The following SFXN5 variants were observed in gnomAD, a reference collection of about 807,000 sequenced individuals.
SFXN5 encodes sideroflexin-5.
SFXN5 carries 43 observed loss-of-function variants against 50.2 expected under a neutral mutation model. The observed-to-expected ratio is 0.86, with a 90% CI of 0.67 to 1.11. SFXN5 has a LOEUF of 1.11. Ranked by LOEUF, SFXN5 falls within the 50% of genes least tolerant of loss-of-function variation. The pLI is 0.00. For missense variants in SFXN5, 463 were observed against 454.1 expected (o/e 1.02, Z -0.18); for synonymous variants, 203 against 185.8 (o/e 1.09, Z -0.75).
chr2:72,957,153 T>C (rs1458605215), intron 13 of SFXN5: 1 of 445,450 alleles, frequency 2.2e-6, no homozygotes, highest in African/African-American at 2.0e-5. Flanking sequence ...CCCCATACAC[T>C]GAAGGTTCCG....
intron 2 of SFXN5, chr2:73,041,614 C>T (rs998255004): frequency 1.2e-5 from 5 of 423,344 alleles, no homozygotes; most frequent in South Asian, 8.4e-5. Flanking sequence ...CACCTGAACC[C>T]AGGAGGCAGG....
At chr2:72,965,672 C>T (rs1378079713) in intron 12 of SFXN5, among the ~76,000 whole-genome samples, 1 of 152,192 alleles carries the variant, frequency 6.6e-6, no homozygotes, top group East Asian at 1.9e-4. Context: ...GCCACATCCC[C>T]ATCGCACTCC....
chr2:72,964,489 TGAG>T (rs1252050923), intron 12 of SFXN5, among the ~76,000 whole-genome samples: 2 of 152,212 alleles, frequency 1.3e-5, no homozygotes, highest in African/African-American at 2.4e-5. Context: ...GGTGGGAAAC[TGAG>T]GCTGAGGGAG....
chr2:72,952,712 T>C (rs936738014), intron 13 of SFXN5, among the ~76,000 whole-genome samples: 1 of 152,142 alleles, frequency 6.6e-6, no homozygotes, highest in Non-Finnish European at 1.5e-5. Context: ...TTTCCCCACA[T>C]GTATGATGGG....
At chr2:72,947,469 G>C (rs2105311642) in intron 13 of SFXN5, among the ~76,000 whole-genome samples, 1 of 152,336 alleles carries the variant, frequency 6.6e-6, no homozygotes, top group Non-Finnish European at 1.5e-5. Context: ...CCTGGACAGA[G>C]TCAAGGAGGC....
At chr2:72,965,219 C>T (rs549426424) in intron 12 of SFXN5, among the ~76,000 whole-genome samples, 9 of 152,278 alleles carry the variant, frequency 5.9e-5, no homozygotes, top group Admixed American at 2.6e-4. Flanking sequence ...CATTGACAGA[C>T]GCCGGCAGGC....
At chr2:73,026,719 A>AT (rs1677602597) in intron 3 of SFXN5, among the ~76,000 whole-genome samples, 2 of 151,626 alleles carry the variant, frequency 1.3e-5, no homozygotes, top group African/African-American at 4.8e-5. Context: ...ATTTTATTTT[A>AT]TTTATTTATT....
At chr2:72,995,898 A>G (rs990940891) in intron 9 of SFXN5, among the ~76,000 whole-genome samples, 1 of 152,224 alleles carries the variant, frequency 6.6e-6, no homozygotes, top group Non-Finnish European at 1.5e-5. Context: ...CATCTGCCGG[A>G]GTTAGACGCT....
chr2:73,053,793 C>G (rs764274066), intron 2 of SFXN5, among the ~76,000 whole-genome samples: 6 of 152,170 alleles, frequency 3.9e-5, no homozygotes, highest in Admixed American at 3.3e-4. Context: ...CAAGTCCTCA[C>G]GACCTCTACT....
intron 6 of SFXN5, among the ~76,000 whole-genome samples, chr2:73,005,168 T>C (rs1320669992): frequency 2.0e-5 from 3 of 152,232 alleles, no homozygotes; most frequent in Non-Finnish European, 4.4e-5. Context: ...CCAACAGCTA[T>C]GATTTCTAGC....
rs1671692194 is a variant in SFXN5 at position 72,984,685 on chromosome 2, T to C, written c.625+3573A>G. Among the ~76,000 whole-genome samples, 2 of 152,272 alleles carry C rather than the reference T, an allele frequency of 1.3e-5. 1 individual carries two copies. On this transcript the variant is annotated intron_variant, in intron 10 of 13. Coordinates refer to ENST00000272433, the MANE Select transcript of SFXN5 (RefSeq NM_144579.3). ...TTGCTAGGGAATATGAGGGGAGCCGTGCAGCCCCCAGGAGCTCTGCAAACC... is the reference window on the plus strand; with the variant it reads ...TTGCTAGGGAATATGAGGGGAGCCGCGCAGCCCCCAGGAGCTCTGCAAACC...
chr2:73,027,747 C>T (rs1677763761), intron 3 of SFXN5, among the ~76,000 whole-genome samples: 1 of 152,110 alleles, frequency 6.6e-6, no homozygotes, highest in Non-Finnish European at 1.5e-5. Flanking sequence ...ACAGCCTCCA[C>T]CTCTCCGGCT....
intron 8 of SFXN5, among the ~76,000 whole-genome samples, chr2:72,999,902 G>A (rs929680990): frequency 6.6e-6 from 1 of 152,196 alleles, no homozygotes; most frequent in Non-Finnish European, 1.5e-5. Flanking sequence ...ACAGAAGGGT[G>A]ACTGGGCCTC....
At chr2:72,999,059 C>T (rs1673598473) in intron 8 of SFXN5, 45 bp from the exon 9 acceptor site, 2 of 1,596,254 alleles carry the variant, frequency 1.3e-6, no homozygotes, top group South Asian at 1.1e-5. Flanking sequence ...GTGCCCAAAG[C>T]TCCCATACTT....
In SFXN5 at chr2:73,013,095, T is replaced by C. The variant is rs181942357; in HGVS notation, c.357+7144A>G. Among the ~76,000 whole-genome samples, 98 of 152,210 alleles carry C rather than the reference T, an allele frequency of 6.4e-4. 6 individuals are homozygous for C. In the East Asian group the frequency reaches 0.016, roughly 24 times the overall value. ...AAGCTAACAGCCACAAGAAAACCCATTTGACAGCTGGGATATGCAGTCATA... is the reference window on the plus strand; with the variant it reads ...AAGCTAACAGCCACAAGAAAACCCACTTGACAGCTGGGATATGCAGTCATA... On this transcript the variant is annotated intron_variant, in intron 6 of 13. Transcript: ENST00000272433.
chr2:73,052,875 C>G (rs1681559972), intron 2 of SFXN5, among the ~76,000 whole-genome samples: 1 of 152,236 alleles, frequency 6.6e-6, no homozygotes, highest in Admixed American at 6.5e-5. Flanking sequence ...AGACTCATAG[C>G]CCTTCAAGAT....
intron 6 of SFXN5, among the ~76,000 whole-genome samples, chr2:73,014,640 T>C (rs1225187232): frequency 1.3e-5 from 2 of 152,212 alleles, no homozygotes; most frequent in African/African-American, 4.8e-5. Flanking sequence ...GAAAACAAAA[T>C]GATACAGCTC....
rs892874330 is a variant in SFXN5 at position 73,001,684 on chromosome 2, C to G, written c.358-106G>C. On this transcript the variant is annotated intron_variant, in intron 6 of 13. Transcript: ENST00000272433. ...AATGAGTGAGCTGGATCTGTACAAA[C>G]TGATGTGGTATGCCGTGTACATACA... The G allele has an allele frequency of 8.9e-6, 10 of 1,126,690 alleles. No homozygotes were observed. In the African/African-American group the frequency reaches 1.4e-4, roughly 15 times the overall value. 69.8% of individuals were successfully genotyped at this position (1,126,690 alleles called of 1,614,324 possible). A position where few individuals can be genotyped will look rare whatever the true frequency, so the allele number is the denominator to read the frequency against.
In SFXN5 at chr2:72,961,038, G is replaced by A; in HGVS notation, c.945+93C>T. On this transcript the variant is annotated intron_variant, in intron 13 of 13. Transcript: ENST00000272433. The surrounding 1 kb of genome is among the most constrained non-coding windows in gnomAD (Gnocchi z 4.4). The stretch of plus-strand genomic sequence containing the variant: ...GGTTCCAGCCCCAGCGCCTAGCATG[G>A]CGCTAAGGAGTCGGCACGGTATGAG... The A allele has an allele frequency of 1.1e-6, 1 of 917,076 alleles. No homozygotes were observed. The highest frequency in any genetic ancestry group is 3.3e-5 in the Admixed American group (1 of 30,436). 56.8% of individuals were successfully genotyped at this position (917,076 alleles called of 1,614,324 possible). A position where few individuals can be genotyped will look rare whatever the true frequency, so the allele number is the denominator to read the frequency against.
Sources: gnomAD v4.1 joint callset for allele counts (sites outside exome capture counted in the v4.1 genomes callset) on GRCh38, gnomAD v4.1.1 for gene constraint, Gnocchi (gnomAD v3.1) non-coding constraint, MANE v1.5 for transcripts, NCBI Gene and HGNC (gene_info 2026-07-23, HGNC 2026-07-21) for gene names.